DRP2: variants seen among roughly 807,000 people sequenced by gnomAD.
The protein encoded by DRP2 is dystrophin-related protein 2.
In DRP2, 29 loss-of-function variants were observed where a neutral mutation model predicts 78.2. That is an observed-to-expected ratio of 0.37 (90% CI 0.28 to 0.51). The LOEUF is 0.51. Among genes scored for constraint, DRP2 ranks in the 20% least tolerant of loss-of-function variants. The pLI, the probability that DRP2 is intolerant of heterozygous loss-of-function variation, is 0.94. For synonymous variants in DRP2, 290 were observed against 281.9 expected (o/e 1.03, Z -0.29); for missense variants, 686 against 770.6 (o/e 0.89, Z 1.30).
At chrX:101,254,964 A>C in intron 19 of DRP2, 40 bp downstream of exon 19, 2 of 1,198,706 alleles carry the variant, frequency 1.7e-6, no homozygotes, top group Non-Finnish European at 2.3e-6. Context: ...GAGCTGTTGT[A>C]GGAAGTCCGA....
chrX:101,260,344 T>C (rs910916031), intron 23 of DRP2, among the ~76,000 whole-genome samples, 153 bp from the exon 24 acceptor site: 2 of 112,607 alleles, frequency 1.8e-5, no homozygotes, highest in African/African-American at 6.5e-5. Context: ...CAAATAAATA[T>C]ACATTGAGCA....
In DRP2 at chrX:101,241,800, A is replaced by G; in HGVS notation, c.692A>G (p.Glu231Gly). 2 of 1,211,405 alleles carry G rather than the reference A, an allele frequency of 1.7e-6. No individual in the cohort carries two copies. Among genetic ancestry groups the G allele is most frequent in the Non-Finnish European group, 2.2e-6 (2 of 895,365 alleles). Reference sequence around the variant, plus strand: ...CACCGTCACATTGAGCGGACTCTGGAGCAGCTCTTGGAGATTCAAGGGGCA... The same window carrying G: ...CACCGTCACATTGAGCGGACTCTGGGGCAGCTCTTGGAGATTCAAGGGGCA... The part of the protein sequence containing the change: ...DQHRHIERTL[E>G]QLLEIQGAME... Residue 231 changes from glutamate to glycine, a missense_variant, in exon 7 of 24, where the codon GAG becomes GGG. Glu to Gly is a moderately conservative substitution (Grantham distance 98). Coordinates refer to ENST00000395209, the MANE Select transcript of DRP2 (RefSeq NM_001939.3).
At chrX:101,257,774 C>G (rs1923401802) in intron 21 of DRP2, among the ~76,000 whole-genome samples, 1 of 111,585 alleles carries the variant, frequency 9.0e-6, no homozygotes, top group African/African-American at 3.3e-5. Flanking sequence ...AAAAAACGAA[C>G]AAAGCCAAAA....
At position 101,260,910 on chromosome X, in the gene DRP2, T is replaced by C. The variant is rs928819487; in HGVS notation, c.*289T>C. 1 of 256,845 alleles carries C rather than the reference T, an allele frequency of 3.9e-6. No homozygotes were observed. The highest frequency in any genetic ancestry group is 2.8e-5 in the African/African-American group (1 of 35,460). 21.2% of individuals were successfully genotyped at this position (256,845 alleles called of 1,213,427 possible). On this transcript the variant is annotated 3_prime_UTR_variant, in exon 24 of 24. Transcript: ENST00000395209. Reference sequence around the variant, plus strand: ...TGTTGCAGCCCAGGCAAATATCACTTGGCCATTCAGATGGGGAGCAGAGAA... The same window carrying C: ...TGTTGCAGCCCAGGCAAATATCACTCGGCCATTCAGATGGGGAGCAGAGAA...
In DRP2 at chrX:101,231,781, G is replaced by A. The variant is rs1456982514; in HGVS notation, c.117+17G>A. The A allele has an allele frequency of 2.6e-6, 3 of 1,172,487 alleles. No homozygotes were observed. Among genetic ancestry groups the A allele is most frequent in the Non-Finnish European group, 3.5e-6 (3 of 865,837 alleles). On this transcript the variant is annotated intron_variant, in intron 3 of 23. Coordinates refer to ENST00000395209, the MANE Select transcript of DRP2 (RefSeq NM_001939.3). ...CACCCTCAGGTAAGAGTCTGATAGT[G>A]AAAGAAAGACCTGTGGAGAAAGTGG...
Position 101,256,191 on chromosome X carries a change from C to G in DRP2, c.2320C>G (p.Pro774Ala). ...DREPAFGQQAPCSVATESKGE... is the reference protein window; with the variant it reads ...DREPAFGQQAACSVATESKGE... ...GGAGCCAGCCTTTGGACAGCAGGCT[C>G]CATGCAGTGTGGCCACAGAAAGCAA... The change falls in exon 21 of 24, where the codon CCA becomes GCA. Residue 774 changes from proline to alanine, a missense_variant. Pro to Ala is a conservative substitution (Grantham distance 27). This residue lies in a region of DRP2 where 423 missense variants were observed against 531.5 expected (regional missense o/e 0.80). Transcript: ENST00000395209. 1 of 1,208,182 alleles carries G rather than the reference C, an allele frequency of 8.3e-7. No homozygotes were observed. Among genetic ancestry groups the G allele is most frequent in the South Asian group, 1.8e-5 (1 of 56,152 alleles).
intron 9 of DRP2, 37 bp downstream of exon 9, chrX:101,243,019 T>G: frequency 8.6e-7 from 1 of 1,158,703 alleles, no homozygotes; most frequent in South Asian, 1.8e-5. Flanking sequence ...TAGCAGAACC[T>G]CAGCCATCTT....
chrX:101,248,907 T>C (rs1459490771), intron 14 of DRP2, among the ~76,000 whole-genome samples: 1 of 112,271 alleles, frequency 8.9e-6, no homozygotes, highest in Non-Finnish European at 1.9e-5. Flanking sequence ...GATGTTCTAG[T>C]TGCATTCCCC....
chrX:101,257,950 A>G (rs1479348385), intron 21 of DRP2, among the ~76,000 whole-genome samples: 1 of 110,766 alleles, frequency 9.0e-6, no homozygotes, highest in East Asian at 2.9e-4. Flanking sequence ...CTAAAAATGG[A>G]GTAGGTGAGT....
At chrX:101,220,549 A>G (rs993925014) in intron 1 of DRP2, among the ~76,000 whole-genome samples, 2 of 110,713 alleles carry the variant, frequency 1.8e-5, no homozygotes, top group African/African-American at 3.3e-5. Flanking sequence ...TCTCAATAGC[A>G]TGCTTTTTGT....
chrX:101,227,261 T>A (rs753202515), intron 2 of DRP2, among the ~76,000 whole-genome samples: 1 of 112,070 alleles, frequency 8.9e-6, no homozygotes, highest in East Asian at 2.8e-4. Context: ...CCGCTAAAAT[T>A]ATCCTTTTTT....
chrX:101,261,312 T>C lies in DRP2; in HGVS notation c.*691T>C, dbSNP rs1447844660. On this transcript the variant is annotated 3_prime_UTR_variant, in exon 24 of 24. Coordinates refer to ENST00000395209, the MANE Select transcript of DRP2 (RefSeq NM_001939.3). ...TTCTTCTACGTTATATTTGGAAGCA[T>C]TAAATCCATACTTATGGGTTTAGAT... 9.3e-6 allele frequency: 1 copy of C among 107,509 alleles called. No individual in the cohort carries two copies. Among genetic ancestry groups the C allele is most frequent in the African/African-American group, 3.4e-5 (1 of 29,571 alleles). The allele number at this position is 107,509 out of a possible 1,213,427, so 8.9% of individuals were successfully genotyped here.
chrX:101,241,453 T>A (rs1184641708), intron 6 of DRP2, among the ~76,000 whole-genome samples: 2 of 108,743 alleles, frequency 1.8e-5, no homozygotes, highest in Non-Finnish European at 3.8e-5. Context: ...TACAATGATT[T>A]AAAAATAAAC....
At chrX:101,256,334 T>C (rs779974040) in intron 21 of DRP2, 73 bp downstream of exon 21, 2 of 1,001,570 alleles carry the variant, frequency 2.0e-6, no homozygotes, top group Admixed American at 6.5e-5. Flanking sequence ...CAGGCACTTC[T>C]ACATCCTAGC....
At chrX:101,229,353 T>C (rs1922224152) in intron 2 of DRP2, among the ~76,000 whole-genome samples, 1 of 111,448 alleles carries the variant, frequency 9.0e-6, no homozygotes, top group African/African-American at 3.3e-5. Flanking sequence ...TGGGGATGAG[T>C]AGCTACATAG....
At chrX:101,243,397 C>CAAAA (rs768951598) in intron 9 of DRP2, among the ~76,000 whole-genome samples, 1 of 29,121 alleles carries the variant, frequency 3.4e-5, no homozygotes, top group African/African-American at 1.5e-4. Flanking sequence ...AACTCCGTCT[C>CAAAA]AAAAAAAAAA....
At chrX:101,226,658 C>T (rs1922130006) in intron 2 of DRP2, among the ~76,000 whole-genome samples, 1 of 111,410 alleles carries the variant, frequency 9.0e-6, no homozygotes, top group Admixed American at 9.6e-5. Context: ...CAGCAGGGTC[C>T]CTAGGGGAGG....
rs1485553803 is a variant in DRP2 at position 101,239,068 on chromosome X, G to A, written c.526G>A (p.Glu176Lys). The A allele has an allele frequency of 3.3e-6, 4 of 1,210,412 alleles. No individual in the cohort carries two copies. The highest frequency in any genetic ancestry group is 3.4e-6 in the Non-Finnish European group (3 of 895,048). ...GGCCTTCCTGTCCCAGCACCCATTT[G>A]AGGAGTTAGAGGAGCCTCATTCTGA... ...AQAFLSQHPFEELEEPHSESK... is the reference protein window; with the variant it reads ...AQAFLSQHPFKELEEPHSESK... Residue 176 changes from glutamate to lysine, a missense_variant, in exon 6 of 24, where the codon GAG becomes AAG. This residue lies in a region of DRP2 where 263 missense variants were observed against 239.1 expected (regional missense o/e 1.10). Transcript: ENST00000395209.
intron 22 of DRP2, among the ~76,000 whole-genome samples, chrX:101,259,580 C>A (rs980564729): frequency 3.6e-5 from 4 of 111,656 alleles, no homozygotes; most frequent in African/African-American, 1.3e-4. Context: ...CTCACTGCAA[C>A]CTCCGCCTCC....
Sources: gnomAD v4.1 joint callset for allele counts (sites outside exome capture counted in the v4.1 genomes callset) on GRCh38, gnomAD v4.1.1 for gene constraint, gnomAD v4.1.1 regional missense constraint, MANE v1.5 for transcripts, NCBI Gene and HGNC (gene_info 2026-07-23, HGNC 2026-07-21) for gene names.